The following PSTK variants were observed in gnomAD, a reference collection of about 807,000 sequenced individuals.
PSTK encodes the protein phosphoseryl-tRNA kinase.
In PSTK, 26 loss-of-function variants were observed where a neutral mutation model predicts 38.6. The observed-to-expected ratio is 0.67, with a 90% confidence interval of 0.49 to 0.94. The LOEUF is 0.94. PSTK is among the 40% of genes least tolerant of loss of function. The pLI, the probability that PSTK is intolerant of heterozygous loss-of-function variation, is 0.00. For synonymous variants in PSTK, 181 were observed against 161.7 expected (o/e 1.12, Z -0.91); for missense variants, 445 against 436.3 (o/e 1.02, Z -0.18).
chr10:122,985,021 T>A (rs1490880324), intron 3 of PSTK: 1 of 152,278 alleles, frequency 6.6e-6, no homozygotes, highest in African/African-American at 2.4e-5. Context: ...AGGAAGATCA[T>A]CTTGAGGTTG....
At chr10:122,987,225 C>A in intron 5 of PSTK, 1 of 1,415,652 alleles carries the variant, frequency 7.1e-7, no homozygotes, top group Non-Finnish European at 9.6e-7. Context: ...GCAGAACATT[C>A]TAATGAGGAG....
rs569082393 is a variant in PSTK, at chr10:122,980,765, C to A, written c.216+70C>A. The A allele has an allele frequency of 2.3e-6, 3 of 1,291,778 alleles. No homozygotes were observed. Among genetic ancestry groups the A allele is most frequent in the South Asian group, 2.3e-5 (1 of 43,524 alleles). 80.0% of individuals were successfully genotyped at this position (1,291,778 alleles called of 1,614,324 possible). A position where few individuals can be genotyped will look rare whatever the true frequency, so the allele number is the denominator to read the frequency against. On this transcript the variant is annotated intron_variant, in intron 1 of 5. Transcript: ENST00000406217. This position sits in a 1 kb window ranked among gnomAD's most constrained non-coding sequence, Gnocchi z 4.3. ...CGGGGCGGGGCGGGGCGGGGACACT[C>A]GCGTCCACGCGGTCCTGGGTGATTT...
chr10:122,982,840 A>AT lies in PSTK; in HGVS notation c.324_325insT (p.Ala109CysfsTer22). ...TGTCTGTCCCACCCAACAGGACTGA[A>AT]GCCATGTGGGAAGATTTTATAACCT... is the stretch of plus-strand genomic sequence containing the variant. On this transcript the variant is annotated frameshift_variant, in exon 2 of 6. Transcript: ENST00000406217. LOFTEE classifies it high-confidence loss of function. The AT allele has an allele frequency of 1.9e-6, 3 of 1,614,220 alleles. No homozygotes were observed. Among genetic ancestry groups the AT allele is most frequent in the Non-Finnish European group, 2.5e-6 (3 of 1,180,024 alleles).
Position 122,984,836 on chromosome 10 carries a change from C to T in PSTK, c.707+1366C>T, listed in dbSNP as rs1048690029. 3 of 152,320 alleles carry T rather than the reference C, an allele frequency of 2.0e-5. No homozygotes were observed. The East Asian group carries it at 5.8e-4, about 29-fold the overall frequency. The allele number at this position is 152,320 out of a possible 1,614,324, so 9.4% of individuals were successfully genotyped here. A position where few individuals can be genotyped will look rare whatever the true frequency, so the allele number is the denominator to read the frequency against. On this transcript the variant is annotated intron_variant, in intron 3 of 5. Coordinates refer to ENST00000406217, the MANE Select transcript of PSTK (RefSeq NM_001363531.2). Reference sequence around the variant, plus strand: ...GTTCTGAACACTTTATATATATGGTCTCATTCAGTCCTCACAACCACCCTT... The same window carrying T: ...GTTCTGAACACTTTATATATATGGTTTCATTCAGTCCTCACAACCACCCTT...
intron 5 of PSTK, among the ~76,000 whole-genome samples, chr10:122,988,384 G>C (rs1415343134): frequency 6.6e-6 from 1 of 151,852 alleles, no homozygotes; most frequent in Non-Finnish European, 1.5e-5. Context: ...GATAGAGAGA[G>C]AGCCATATAT....
intron 2 of PSTK, 70 bp downstream of exon 2, chr10:122,983,094 A>G (rs1848988033): frequency 1.4e-6 from 2 of 1,402,930 alleles, no homozygotes; most frequent in Non-Finnish European, 9.8e-7. Context: ...ATTGTCTTCA[A>G]TGAGAATTTA....
At chr10:122,982,226 G>A (rs1848968820) in intron 1 of PSTK, 1 of 152,450 alleles carries the variant, frequency 6.6e-6, no homozygotes, top group Non-Finnish European at 1.5e-5. Flanking sequence ...CCCATTTCAG[G>A]GGAAAACCTG....
intron 5 of PSTK, among the ~76,000 whole-genome samples, chr10:122,988,726 C>A (rs1286318265): frequency 2.0e-5 from 3 of 152,112 alleles, no homozygotes; most frequent in South Asian, 2.1e-4. Flanking sequence ...TTAAAACGTC[C>A]AAGTGTTGAG....
In PSTK at chr10:122,986,844, A is replaced by C. The variant is rs746965124; in HGVS notation, c.784-25A>C. ...TATTTTATAAAACTATGTGACTTCTAATAACAATGTCTGTATTAACATAGG... is the reference window on the plus strand; with the variant it reads ...TATTTTATAAAACTATGTGACTTCTCATAACAATGTCTGTATTAACATAGG... On this transcript the variant is annotated intron_variant, in intron 4 of 5. Transcript: ENST00000406217. The C allele has an allele frequency of 4.3e-6, 6 of 1,405,468 alleles. No individual in the cohort carries two copies. The East Asian group carries it at 1.4e-4, about 32-fold the overall frequency. 87.1% of individuals were successfully genotyped at this position (1,405,468 alleles called of 1,614,324 possible). A position where few individuals can be genotyped will look rare whatever the true frequency, so the allele number is the denominator to read the frequency against.
intron 3 of PSTK, 123 bp from the exon 4 acceptor site, chr10:122,986,177 C>T (rs937710286): frequency 3.6e-5 from 19 of 521,946 alleles, no homozygotes; most frequent in African/African-American, 1.2e-4. Context: ...GCAGAGATCA[C>T]GCCGCTGCAC....
chr10:122,980,852 CAT>C lies in PSTK; in HGVS notation c.216+159_216+160del, dbSNP rs1333875321. On this transcript the variant is annotated intron_variant, in intron 1 of 5. Transcript: ENST00000406217. This position sits in a 1 kb window ranked among gnomAD's most constrained non-coding sequence, Gnocchi z 4.3. The stretch of plus-strand genomic sequence containing the variant: ...TTCGAGAAAAGTGGAGCTGGGTTAA[CAT>C]AGTTACTGCAGAGGGTGAATGCGTT... 17 of 980,722 alleles carry C rather than the reference CAT, an allele frequency of 1.7e-5. No homozygotes were observed. The highest frequency in any genetic ancestry group is 1.8e-5 in the Non-Finnish European group (15 of 825,788). 60.8% of individuals were successfully genotyped at this position (980,722 alleles called of 1,614,324 possible).
At chr10:122,987,041 T>C in intron 5 of PSTK, 79 bp downstream of exon 5, 1 of 1,020,216 alleles carries the variant, frequency 9.8e-7, no homozygotes, top group Non-Finnish European at 1.5e-6. Flanking sequence ...ACTCAGAGTT[T>C]ATTAGTTTTC....
intron 1 of PSTK, among the ~76,000 whole-genome samples, chr10:122,981,662 C>T (rs1159951267): frequency 6.6e-6 from 1 of 152,198 alleles, no homozygotes; most frequent in Admixed American, 6.5e-5. Flanking sequence ...ATGGGCTCTC[C>T]AGCAAGGTGT....
At position 122,980,508 on chromosome 10, in the gene PSTK, C is replaced by A. The variant is rs768817223; in HGVS notation, c.29C>A (p.Thr10Asn). The A allele has an allele frequency of 7.5e-6, 12 of 1,608,342 alleles. No homozygotes were observed. Among genetic ancestry groups the A allele is most frequent in the Non-Finnish European group, 1.0e-5 (12 of 1,179,180 alleles). Residue 10 changes from threonine (T) to asparagine (N), a missense_variant, in exon 1 of 6, where the codon ACC (threonine) becomes AAC (asparagine). Transcript: ENST00000406217. The surrounding 1 kb of genome is among the most constrained non-coding windows in gnomAD (Gnocchi z 4.3). MKTAENIRG[T>N]GSDGPRKRGL... ...AAGACCGCCGAGAACATCAGAGGAACCGGCAGCGACGGGCCGCGGAAACGA... is the reference window on the plus strand; with the variant it reads ...AAGACCGCCGAGAACATCAGAGGAAACGGCAGCGACGGGCCGCGGAAACGA...
chr10:122,986,346 A>G lies in PSTK; in HGVS notation c.754A>G (p.Lys252Glu). The G allele has an allele frequency of 6.2e-7, 1 of 1,612,194 alleles. No homozygotes were observed. The highest frequency in any genetic ancestry group is 8.5e-7 in the Non-Finnish European group (1 of 1,178,358). ...LLLTALENPV[K>E]YAEDNMEQKD... is the part of the protein sequence containing the mutation. The stretch of plus-strand genomic sequence containing the variant: ...GCTCACTGCTTTGGAAAATCCAGTA[A>G]AATATGCTGAGGACAATATGGAACA... Residue 252 changes from lysine (K) to glutamate (E), a missense_variant, in exon 4 of 6, where the codon AAA (lysine) becomes GAA (glutamate). Transcript: ENST00000406217.
In PSTK at chr10:122,982,760, G is replaced by A. The variant is rs1319488797; in HGVS notation, c.244G>A (p.Glu82Lys). ...APSQWKLLRQ[E>K]LLKYLEYFLM... ...ATCCCAATGGAAATTGCTTCGACAG[G>A]AACTGTTGAAGTACCTGGAATACTT... The change falls in exon 2 of 6, where the codon GAA becomes AAA. Residue 82 changes from glutamate to lysine, a missense_variant. Physicochemically the swap from Glu to Lys is moderately conservative, Grantham distance 56 (BLOSUM62 1). Transcript: ENST00000406217. The A allele has an allele frequency of 6.2e-7, 1 of 1,614,202 alleles. No individual in the cohort carries two copies. Among genetic ancestry groups the A allele is most frequent in the Non-Finnish European group, 8.5e-7 (1 of 1,180,032 alleles).
intron 3 of PSTK, chr10:122,984,607 C>T (rs7900134): frequency 0.66 from 100,142 of 152,126 alleles, 33,319 homozygotes; most frequent in Non-Finnish European, 0.7. Flanking sequence ...GATCCCAGCA[C>T]TTGGGAGGCC....
At chr10:122,983,181 C>A (rs1188115819) in intron 2 of PSTK, 91 bp from the exon 3 acceptor site, 7 of 1,271,176 alleles carry the variant, frequency 5.5e-6, no homozygotes, top group East Asian at 2.5e-5. Context: ...GTTTTTCCTA[C>A]TATAATTGTC....
intron 1 of PSTK, among the ~76,000 whole-genome samples, chr10:122,981,564 A>G (rs1238679690): frequency 6.6e-6 from 1 of 152,226 alleles, no homozygotes; most frequent in African/African-American, 2.4e-5. Flanking sequence ...TTTAATGCCT[A>G]ATGTAGATGA....
Sources: gnomAD v4.1 joint callset for allele counts (sites outside exome capture counted in the v4.1 genomes callset) on GRCh38, gnomAD v4.1.1 for gene constraint, Gnocchi (gnomAD v3.1) non-coding constraint, MANE v1.5 for transcripts, NCBI Gene and HGNC (gene_info 2026-07-23, HGNC 2026-07-21) for gene names.